FNTB: variants seen among roughly 807,000 people sequenced by gnomAD.
The protein encoded by FNTB is protein farnesyltransferase subunit beta.
A neutral mutation model predicts 59.4 loss-of-function variants in FNTB; 27 were observed. That is an observed-to-expected ratio of 0.45 (90% CI 0.34 to 0.63). The LOEUF (loss-of-function observed/expected upper bound fraction) is 0.63. FNTB is among the 20% of genes least tolerant of loss of function. The pLI, the probability that FNTB is intolerant of heterozygous loss-of-function variation, is 0.02. For synonymous variants in FNTB, 230 were observed against 220.7 expected, an observed-to-expected ratio of 1.04 and a Z score of -0.37; for missense variants, 449 against 559.6, an observed-to-expected ratio of 0.80 and a Z score of 1.99.
Position 65,012,986 on chromosome 14 carries a change from G to A in FNTB, c.282+597G>A, listed in dbSNP as rs978278912. ...GATCTTTAATATTTCCCAGAGCAAC[G>A]TCAGGACTGGGTGACGGTGGAGGGG... On this transcript the variant is annotated intron_variant, in intron 3 of 11. Coordinates refer to ENST00000246166, the MANE Select transcript of FNTB (RefSeq NM_002028.4). The surrounding 1 kb of genome is among the most constrained non-coding windows in gnomAD (Gnocchi z 5.0). 2.0e-5 allele frequency among the ~76,000 whole-genome samples: 3 copies of A among 152,034 alleles called. No individual in the cohort carries two copies. The highest frequency in any genetic ancestry group is 1.9e-4 in the East Asian group (1 of 5,192).
At chr14:65,046,290 T>C (rs2062475343) in intron 9 of FNTB, among the ~76,000 whole-genome samples, 1 of 152,154 alleles carries the variant, frequency 6.6e-6, no homozygotes, top group Non-Finnish European at 1.5e-5. Flanking sequence ...ATTTCTAAGA[T>C]AGAAAAAAAC....
At chr14:65,010,669 T>C (rs2061668508) in intron 2 of FNTB, among the ~76,000 whole-genome samples, 1 of 152,200 alleles carries the variant, frequency 6.6e-6, no homozygotes, top group South Asian at 2.1e-4. Context: ...TTTCCTCATC[T>C]CAAAAACCTT....
In FNTB at chr14:65,054,683, C is replaced by T. The variant is rs752234365; in HGVS notation, c.1176C>T (p.Asn392=). 1.2e-5 allele frequency: 19 copies of T among 1,608,996 alleles called. No individual in the cohort carries two copies. The highest frequency in any genetic ancestry group is 4.4e-5 in the South Asian group (4 of 89,940). The change falls in exon 11 of 12, where the codon AAC becomes AAT. Residue 392 remains asparagine (N), a synonymous_variant. Coordinates refer to ENST00000246166, the MANE Select transcript of FNTB (RefSeq NM_002028.4). The surrounding 1 kb of genome is among the most constrained non-coding windows in gnomAD (Gnocchi z 4.4). ...LHDVVLGVPE[N]ALQPTHPVYN... ...ATGTGGTCCTGGGTGTGCCCGAAAACGCTCTGGTAAGACGGGTGCAGGGCT... is the reference window on the plus strand; with the variant it reads ...ATGTGGTCCTGGGTGTGCCCGAAAATGCTCTGGTAAGACGGGTGCAGGGCT...
At position 65,016,746 on chromosome 14, in the gene FNTB, A is replaced by G. The variant is rs545232931; in HGVS notation, c.374+1030A>G. 7.2e-5 allele frequency among the ~76,000 whole-genome samples: 11 copies of G among 152,244 alleles called. 1 individual carries two copies. Among genetic ancestry groups the G allele is most frequent in the African/African-American group, 2.4e-4 (10 of 41,550 alleles). On this transcript the variant is annotated intron_variant, in intron 4 of 11. Transcript: ENST00000246166. Reference sequence around the variant, plus strand: ...TGAATGTGGATGGGGAAGATAATAAAGAATTAGGCCATTAACCCTTGTGGT... The same window carrying G: ...TGAATGTGGATGGGGAAGATAATAAGGAATTAGGCCATTAACCCTTGTGGT...
intron 1 of FNTB, among the ~76,000 whole-genome samples, chr14:64,993,932 C>T (rs1291323938): frequency 3.3e-5 from 5 of 151,724 alleles, no homozygotes; most frequent in Admixed American, 6.6e-5. Flanking sequence ...CTCCACTCAC[C>T]GTAACCTCCG....
At chr14:65,025,087 G>A (rs985762809) in intron 4 of FNTB, among the ~76,000 whole-genome samples, 2 of 152,166 alleles carry the variant, frequency 1.3e-5, no homozygotes, top group Non-Finnish European at 2.9e-5. Flanking sequence ...TCTGTAATAC[G>A]GAAGTGTCTG....
intron 11 of FNTB, among the ~76,000 whole-genome samples, chr14:65,056,081 G>A (rs1264035499): frequency 6.6e-6 from 1 of 152,014 alleles, no homozygotes; most frequent in Non-Finnish European, 1.5e-5. Context: ...ACATACATAT[G>A]TATCTATAAG....
intron 11 of FNTB, among the ~76,000 whole-genome samples, chr14:65,057,864 C>T (rs1476556880): frequency 6.6e-6 from 1 of 152,144 alleles, no homozygotes; most frequent in East Asian, 1.9e-4. Context: ...AGTTTCCATA[C>T]ATGAAGGGGC....
intron 11 of FNTB, among the ~76,000 whole-genome samples, chr14:65,056,368 C>T (rs1393581582): frequency 6.6e-6 from 1 of 152,142 alleles, no homozygotes; most frequent in Non-Finnish European, 1.5e-5. Flanking sequence ...TGGTATCTGT[C>T]TCATTGGGTT....
Position 65,044,253 on chromosome 14 carries a change from C to G in FNTB, c.823-58C>G, listed in dbSNP as rs45565742. ...ACAGATTGACTCCTGGAGATTCTGT[C>G]GGGCTGGATTTTGTCTCTTTTAGCC... is the stretch of plus-strand genomic sequence containing the variant. On this transcript the variant is annotated intron_variant, in intron 8 of 11. Transcript: ENST00000246166. The surrounding 1 kb of genome is among the most constrained non-coding windows in gnomAD (Gnocchi z 5.5). 4.0e-5 allele frequency: 65 copies of G among 1,606,352 alleles called. No individual in the cohort carries two copies. The highest frequency in any genetic ancestry group is 5.2e-5 in the Non-Finnish European group (61 of 1,177,004).
intron 9 of FNTB, among the ~76,000 whole-genome samples, chr14:65,045,433 C>T (rs552116149): frequency 4.7e-5 from 7 of 149,276 alleles, no homozygotes; most frequent in African/African-American, 1.2e-4. Context: ...CCGCCGCCCC[C>T]GAGATGGAGT....
Position 65,023,590 on chromosome 14 carries a change from G to A in FNTB, c.375-3863G>A, listed in dbSNP as rs113783084. Among the ~76,000 whole-genome samples the A allele has an allele frequency of 2.4e-3, 367 of 152,268 alleles. No individual in the cohort carries two copies. Among genetic ancestry groups the A allele is most frequent in the Non-Finnish European group, 3.7e-3 (255 of 68,020 alleles). ...TATAGGTGTCTATAAACATCTATAC[G>A]TGTTCTATATTGGCCACTAGCCACA... On this transcript the variant is annotated intron_variant, in intron 4 of 11. Transcript: ENST00000246166. This position sits in a 1 kb window ranked among gnomAD's most constrained non-coding sequence, Gnocchi z 4.1.
chr14:65,046,008 A>T (rs1456223155), intron 9 of FNTB, among the ~76,000 whole-genome samples: 1 of 151,834 alleles, frequency 6.6e-6, no homozygotes, highest in East Asian at 1.9e-4. Flanking sequence ...TTTTTTTGAG[A>T]CGGAGTTTCA....
intron 4 of FNTB, among the ~76,000 whole-genome samples, chr14:65,024,237 C>A (rs2061940058): frequency 1.3e-5 from 2 of 152,138 alleles, no homozygotes; most frequent in African/African-American, 4.8e-5. Flanking sequence ...ACATTGGAAT[C>A]ACGTGGGGAG....
At chr14:65,005,457 C>CT (rs143226232) in intron 2 of FNTB, among the ~76,000 whole-genome samples, 4 of 91,100 alleles carry the variant, frequency 4.4e-5, no homozygotes, top group African/African-American at 1.4e-4. Flanking sequence ...TCTTTTCTTT[C>CT]TTTCTTTCTT....
rs767329195 is a variant in FNTB, at chr14:65,011,431, GAAAAAAA to G, written c.210-871_210-865del. On this transcript the variant is annotated intron_variant, in intron 2 of 11. Coordinates refer to ENST00000246166, the MANE Select transcript of FNTB (RefSeq NM_002028.4). The surrounding 1 kb of genome is among the most constrained non-coding windows in gnomAD (Gnocchi z 4.0). ...GTGACAGAGCGAGACTCCGTCTCAG[GAAAAAAA>G]AAAAAAAAAAAAAAGACTGCATGAA... is the stretch of plus-strand genomic sequence containing the variant. 2.9e-4 allele frequency among the ~76,000 whole-genome samples: 23 copies of G among 80,088 alleles called. No homozygotes were observed. The highest frequency in any genetic ancestry group is 4.3e-4 in the Non-Finnish European group (16 of 36,962). The allele number at this position is 80,088 out of a possible 152,430, so 52.5% of individuals were successfully genotyped here. A position where few individuals can be genotyped will look rare whatever the true frequency, so the allele number is the denominator to read the frequency against.
At chr14:65,008,846 C>G (rs893119508) in intron 2 of FNTB, among the ~76,000 whole-genome samples, 2 of 152,196 alleles carry the variant, frequency 1.3e-5, no homozygotes, top group African/African-American at 4.8e-5. Flanking sequence ...ACCCAGTACA[C>G]ATAGATGTGT....
intron 10 of FNTB, among the ~76,000 whole-genome samples, 161 bp downstream of exon 10, chr14:65,053,510 C>T (rs1431400143): frequency 1.3e-5 from 2 of 152,000 alleles, no homozygotes; most frequent in African/African-American, 4.8e-5. Context: ...TTGGGAGCAC[C>T]CCTTGAGGCC....
chr14:65,004,692 C>T (rs549936445), intron 2 of FNTB, among the ~76,000 whole-genome samples: 15 of 151,256 alleles, frequency 9.9e-5, no homozygotes, highest in African/African-American at 2.7e-4. Context: ...GACAGCGTTT[C>T]GCTCTTGTTG....
Sources: gnomAD v4.1 joint callset for allele counts (sites outside exome capture counted in the v4.1 genomes callset) on GRCh38, gnomAD v4.1.1 for gene constraint, Gnocchi (gnomAD v3.1) non-coding constraint, MANE v1.5 for transcripts, NCBI Gene and HGNC (gene_info 2026-07-23, HGNC 2026-07-21) for gene names.